GOLGA5: variants seen among roughly 807,000 people sequenced by gnomAD.
GOLGA5 encodes golgin A5, also known as golgin subfamily A member 5.
A neutral mutation model predicts 93.5 loss-of-function variants in GOLGA5; 50 were observed. That is an observed-to-expected ratio of 0.53 (90% CI 0.43 to 0.68). GOLGA5 has a LOEUF of 0.68. Among genes scored for constraint, GOLGA5 ranks in the 30% least tolerant of loss-of-function variants. The pLI is 0.00. For synonymous variants in GOLGA5, 312 were observed against 304.5 expected (o/e 1.02, Z -0.26); for missense variants, 760 against 856.4 (o/e 0.89, Z 1.40).
chr14:92,795,717 A>C (rs1483570711), intron 1 of GOLGA5, among the ~76,000 whole-genome samples: 1 of 112,134 alleles, frequency 8.9e-6, no homozygotes, highest in East Asian at 2.8e-4. Context: ...TTCCCCAAGA[A>C]CAAGAAGCAT....
intron 3 of GOLGA5, among the ~76,000 whole-genome samples, chr14:92,808,831 A>G (rs1014841649): frequency 3.9e-5 from 6 of 152,152 alleles, no homozygotes; most frequent in African/African-American, 1.4e-4. Flanking sequence ...ATAGAGCACT[A>G]CTTTGCTCTT....
chr14:92,804,501 C>T (rs190086900), intron 2 of GOLGA5, among the ~76,000 whole-genome samples: 9 of 152,048 alleles, frequency 5.9e-5, no homozygotes, highest in Non-Finnish European at 1.0e-4. Flanking sequence ...CATTTCCCAT[C>T]ACTTTCTTCA....
chr14:92,837,553 C>A (rs1026890332), intron 12 of GOLGA5, 104 bp downstream of exon 12: 8 of 663,298 alleles, frequency 1.2e-5, no homozygotes, highest in Non-Finnish European at 1.9e-5. Context: ...GATATTTTAG[C>A]AATCAATCAA....
At chr14:92,797,254 C>T (rs960691275) in intron 1 of GOLGA5, among the ~76,000 whole-genome samples, 154 bp from the exon 2 acceptor site, 3 of 152,028 alleles carry the variant, frequency 2.0e-5, no homozygotes, top group East Asian at 1.9e-4. Context: ...TAAGATTTCT[C>T]AGCCTCATTT....
rs547136026 is a variant in GOLGA5 at position 92,815,907 on chromosome 14, A to G, written c.1321-344A>G. Among the ~76,000 whole-genome samples, 329 of 151,776 alleles carry G rather than the reference A, an allele frequency of 2.2e-3. 2 individuals carry two copies. The highest frequency in any genetic ancestry group is 3.8e-3 in the Non-Finnish European group (261 of 67,898). ...TTTTTAGTAGAGACGGGGTTTCACC[A>G]TATTAGCCAGGATGGTCTCGACCTC... On this transcript the variant is annotated intron_variant, in intron 6 of 12. Transcript: ENST00000163416.
Position 92,819,781 on chromosome 14 carries a change from C to G in GOLGA5, c.1565C>G (p.Ala522Gly), listed in dbSNP as rs758851472. The change falls in exon 8 of 13, where the codon GCT becomes GGT. Residue 522 changes from alanine (A) to glycine (G), a missense_variant. Ala to Gly is a moderately conservative substitution (Grantham distance 60, BLOSUM62 0). Coordinates refer to ENST00000163416, the MANE Select transcript of GOLGA5 (RefSeq NM_005113.4). ...EQLQDLHDQI[A>G]GQKASKQELE... ...TTACAGGATCTGCATGACCAAATAGCTGGGCAGAAAGCATCCAAACAAGAA... is the reference window on the plus strand; with the variant it reads ...TTACAGGATCTGCATGACCAAATAGGTGGGCAGAAAGCATCCAAACAAGAA... The G allele has an allele frequency of 3.7e-6, 6 of 1,613,722 alleles. No homozygotes were observed. In the Admixed American group the frequency reaches 8.3e-5, roughly 22 times the overall value.
At chr14:92,800,190 C>A (rs1052501195) in intron 2 of GOLGA5, among the ~76,000 whole-genome samples, 1 of 152,168 alleles carries the variant, frequency 6.6e-6, no homozygotes, top group East Asian at 1.9e-4. Context: ...GTGAGCTAGA[C>A]ATGTAAACAG....
chr14:92,811,467 C>T, intron 5 of GOLGA5, 84 bp from the exon 6 acceptor site: 1 of 955,174 alleles, frequency 1.0e-6, no homozygotes, highest in Non-Finnish European at 1.7e-6. Flanking sequence ...CTAATAAATC[C>T]CATAAGATAT....
chr14:92,834,402 G>A (rs578240756), intron 10 of GOLGA5, among the ~76,000 whole-genome samples: 181 of 149,018 alleles, frequency 1.2e-3, no homozygotes, highest in African/African-American at 4.3e-3. Context: ...TCCCCTTCCT[G>A]TGTCCATGTG....
intron 9 of GOLGA5, among the ~76,000 whole-genome samples, chr14:92,826,497 A>C (rs1595601999): frequency 6.6e-6 from 1 of 152,090 alleles, no homozygotes; most frequent in African/African-American, 2.4e-5. Flanking sequence ...GGAGTTCAAG[A>C]CCAGCCAGGC....
intron 10 of GOLGA5, among the ~76,000 whole-genome samples, chr14:92,834,867 A>G (rs540912435): frequency 4.6e-4 from 70 of 152,338 alleles, no homozygotes; most frequent in African/African-American, 1.2e-3. Flanking sequence ...GTGGGTAGCC[A>G]TTGCATTAAT....
At chr14:92,829,122 G>A (rs978816765) in intron 9 of GOLGA5, among the ~76,000 whole-genome samples, 3 of 152,032 alleles carry the variant, frequency 2.0e-5, no homozygotes, top group Non-Finnish European at 4.4e-5. Context: ...AAGCTACCAC[G>A]CCTGGCTACT....
intron 8 of GOLGA5, among the ~76,000 whole-genome samples, chr14:92,821,866 C>G (rs143383557): frequency 3.2e-3 from 485 of 152,246 alleles, no homozygotes; most frequent in Middle Eastern, 0.014. Flanking sequence ...ATTCAAGGCA[C>G]TATTATATAT....
At chr14:92,837,193 C>T (rs933248016) in intron 11 of GOLGA5, among the ~76,000 whole-genome samples, 193 bp from the exon 12 acceptor site, 2 of 152,096 alleles carry the variant, frequency 1.3e-5, no homozygotes, top group African/African-American at 2.4e-5. Context: ...ATTTATTTAC[C>T]TCTATGACAT....
intron 9 of GOLGA5, among the ~76,000 whole-genome samples, chr14:92,831,848 A>T (rs1283912699): frequency 2.0e-5 from 3 of 152,122 alleles, no homozygotes; most frequent in Non-Finnish European, 4.4e-5. Flanking sequence ...CTACCATATG[A>T]CAGGTACCAT....
At chr14:92,824,875 G>A (rs1885385628) in intron 9 of GOLGA5, among the ~76,000 whole-genome samples, 1 of 152,142 alleles carries the variant, frequency 6.6e-6, no homozygotes, top group African/African-American at 2.4e-5. Context: ...CCAAAGTCAC[G>A]AAGTAGATGA....
intron 9 of GOLGA5, among the ~76,000 whole-genome samples, chr14:92,827,580 A>G (rs531334925): frequency 5.9e-5 from 9 of 152,260 alleles, no homozygotes; most frequent in East Asian, 3.9e-4. Flanking sequence ...TAAACCTACA[A>G]TGGCCTCTAG....
rs1470866717 is a variant in GOLGA5, at chr14:92,806,899, T to C, written c.708T>C (p.Asn236=). 2 of 1,613,788 alleles carry C rather than the reference T, an allele frequency of 1.2e-6. No homozygotes were observed. Among genetic ancestry groups the C allele is most frequent in the Non-Finnish European group, 1.7e-6 (2 of 1,179,806 alleles). The stretch of plus-strand genomic sequence containing the variant: ...GACTGGAGAATCAGCTGCTGAGGAA[T>C]GAAGTTCAGTCTTTAAATCAAGAAA... The part of the protein sequence containing the change: ...NLRLENQLLR[N]EVQSLNQEMA... Residue 236 remains asparagine (N), a synonymous_variant, in exon 3 of 13, where the codon AAT becomes AAC. Coordinates refer to ENST00000163416, the MANE Select transcript of GOLGA5 (RefSeq NM_005113.4).
intron 7 of GOLGA5, among the ~76,000 whole-genome samples, chr14:92,816,758 C>G (rs1376829736): frequency 6.6e-6 from 1 of 152,228 alleles, no homozygotes; most frequent in Admixed American, 6.5e-5. Flanking sequence ...CAGGGTATCC[C>G]TGTGTTGTCC....
Sources: allele counts gnomAD v4.1 joint callset (sites outside exome capture counted in the v4.1 genomes callset), GRCh38; gene constraint gnomAD v4.1.1; transcripts MANE v1.5; gene names NCBI Gene and HGNC (gene_info 2026-07-23, HGNC 2026-07-21).